CD300LD: variants seen among roughly 807,000 people sequenced by gnomAD.
CD300LD encodes CD300 molecule like family member d, also known as CMRF35-like molecule 5.
CD300LD carries 18 observed loss-of-function variants against 20.3 expected under a neutral mutation model. The observed-to-expected ratio is 0.89, with a 90% CI of 0.61 to 1.32. The LOEUF (loss-of-function observed/expected upper bound fraction) is 1.32, where lower values mean the gene tolerates loss of function less well. Ranked by LOEUF, CD300LD falls within the 40% of genes most tolerant of loss-of-function variation. CD300LD has a pLI of 0.00. For missense variants in CD300LD, 195 were observed against 226.6 expected (o/e 0.86, Z 0.90); for synonymous variants, 104 against 90.1 (o/e 1.15, Z -0.87).
chr17:74,588,887 C>A, intron 1 of CD300LD, 38 bp from the exon 2 acceptor site: 2 of 1,499,824 alleles, frequency 1.3e-6, no homozygotes, highest in Non-Finnish European at 1.8e-6. Flanking sequence ...ACCTCCCACC[C>A]CAAGGGCAGG....
At chr17:74,591,257 A>AT (rs2030306500) in intron 1 of CD300LD, among the ~76,000 whole-genome samples, 2 of 96,784 alleles carry the variant, frequency 2.1e-5, no homozygotes, top group African/African-American at 3.5e-5. Context: ...CTACAAAAAA[A>AT]AAAAAAATAA....
At chr17:74,583,863 T>C (rs1236995459) in intron 2 of CD300LD, among the ~76,000 whole-genome samples, 1 of 151,236 alleles carries the variant, frequency 6.6e-6, no homozygotes, top group Non-Finnish European at 1.5e-5. Flanking sequence ...AGCAATTCTC[T>C]GCCTCACCCT....
At chr17:74,582,424 G>T in intron 2 of CD300LD, 113 bp from the exon 3 acceptor site, 1 of 729,138 alleles carries the variant, frequency 1.4e-6, no homozygotes, top group Admixed American at 2.9e-5. Context: ...TGGGGTCCAA[G>T]ACTGTCTGGT....
At position 74,588,460 on chromosome 17, in the gene CD300LD, C is replaced by T. The variant is rs375291849; in HGVS notation, c.379+51G>A. 1.5e-5 allele frequency: 18 copies of T among 1,239,576 alleles called. No individual in the cohort carries two copies. The African/African-American group carries it at 2.7e-4, about 19-fold the overall frequency. 76.8% of individuals were successfully genotyped at this position (1,239,576 alleles called of 1,614,324 possible). On this transcript the variant is annotated intron_variant, in intron 2 of 3. Transcript: ENST00000375352. ...TTTACTCAAGTGGGACCTCAGGGACCAGGACAGAGCAGGACCTGAGAGACA... is the reference window on the plus strand; with the variant it reads ...TTTACTCAAGTGGGACCTCAGGGACTAGGACAGAGCAGGACCTGAGAGACA...
chr17:74,584,077 A>T (rs2030099021), intron 2 of CD300LD, among the ~76,000 whole-genome samples: 1 of 152,190 alleles, frequency 6.6e-6, no homozygotes, highest in South Asian at 2.1e-4. Flanking sequence ...TTTTAAAAAA[A>T]TCCACTCACT....
chr17:74,591,874 T>G (rs1342321898), intron 1 of CD300LD: 1 of 553,098 alleles, frequency 1.8e-6, no homozygotes, highest in Admixed American at 3.7e-5. Flanking sequence ...AGTTCCTTCC[T>G]TCATTGATAT....
intron 3 of CD300LD, among the ~76,000 whole-genome samples, chr17:74,580,846 G>T (rs1046923761): frequency 4.0e-5 from 6 of 150,430 alleles, no homozygotes; most frequent in African/African-American, 1.5e-4. Flanking sequence ...CAGGTGGATT[G>T]CTTGAGCCCA....
chr17:74,585,445 G>C (rs551567260), intron 2 of CD300LD, among the ~76,000 whole-genome samples: 89 of 152,238 alleles, frequency 5.8e-4, no homozygotes, highest in South Asian at 1.0e-3. Flanking sequence ...AAACTGGCCT[G>C]TGTCACCCCC....
At chr17:74,588,114 A>G (rs1598131552) in intron 2 of CD300LD, among the ~76,000 whole-genome samples, 1 of 152,000 alleles carries the variant, frequency 6.6e-6, no homozygotes, top group East Asian at 1.9e-4. Flanking sequence ...GATGGCAGGG[A>G]CTCTCTGCAG....
intron 1 of CD300LD, among the ~76,000 whole-genome samples, chr17:74,591,262 A>C (rs79385369): frequency 8.8e-6 from 1 of 114,118 alleles, no homozygotes; most frequent in Non-Finnish European, 1.7e-5. Flanking sequence ...AAAAAAAAAA[A>C]AATAAAAATA....
At chr17:74,591,968 GTGTT>G in intron 1 of CD300LD, 191 bp downstream of exon 1, 3 of 1,479,202 alleles carry the variant, frequency 2.0e-6, no homozygotes, top group Non-Finnish European at 2.7e-6. Context: ...TGTTTTGTGT[GTGTT>G]TGTTTCTGCA....
At chr17:74,589,902 G>A (rs2030264988) in intron 1 of CD300LD, among the ~76,000 whole-genome samples, 1 of 152,230 alleles carries the variant, frequency 6.6e-6, no homozygotes, top group Non-Finnish European at 1.5e-5. Context: ...AACGCCAAGA[G>A]ACACCCAAGG....
At chr17:74,581,380 G>A (rs1361680002) in intron 3 of CD300LD, among the ~76,000 whole-genome samples, 1 of 152,206 alleles carries the variant, frequency 6.6e-6, no homozygotes, top group Admixed American at 6.5e-5. Flanking sequence ...GAGCAGGACG[G>A]TCTGTGGTTT....
At chr17:74,589,881 G>A (rs2030264404) in intron 1 of CD300LD, among the ~76,000 whole-genome samples, 1 of 152,198 alleles carries the variant, frequency 6.6e-6, no homozygotes, top group Non-Finnish European at 1.5e-5. Flanking sequence ...CAGGAGAGAG[G>A]TTGTCTCTGA....
chr17:74,588,990 C>A, intron 1 of CD300LD, 141 bp from the exon 2 acceptor site: 1 of 614,630 alleles, frequency 1.6e-6, no homozygotes. Flanking sequence ...AAATCTTTGT[C>A]CTTCAAAATT....
chr17:74,585,961 G>A (rs779387532), intron 2 of CD300LD, among the ~76,000 whole-genome samples: 12 of 152,148 alleles, frequency 7.9e-5, no homozygotes, highest in Non-Finnish European at 1.3e-4. Flanking sequence ...GTGTGCCTTG[G>A]CTGCTAAACA....
chr17:74,588,196 C>T (rs2030213333), intron 2 of CD300LD, among the ~76,000 whole-genome samples: 1 of 152,138 alleles, frequency 6.6e-6, no homozygotes, highest in African/African-American at 2.4e-5. Flanking sequence ...TCTGCCTTTT[C>T]TTATAAAGCA....
chr17:74,592,097 C>T (rs780109704), intron 1 of CD300LD, 66 bp downstream of exon 1: 2 of 1,613,926 alleles, frequency 1.2e-6, no homozygotes, highest in Non-Finnish European at 1.7e-6. Flanking sequence ...TTCCTGAGAA[C>T]AGAGCGTCTC....
At chr17:74,578,915 G>C (rs1426800127), downstream of CD300LD, among the ~76,000 whole-genome samples, 1 of 152,176 alleles carries the variant, frequency 6.6e-6, no homozygotes, top group Non-Finnish European at 1.5e-5. Context: ...CCAGCTCACA[G>C]TTCTAGCTCT....
Sources: allele counts gnomAD v4.1 joint callset (sites outside exome capture counted in the v4.1 genomes callset), GRCh38; gene constraint gnomAD v4.1.1; transcripts MANE v1.5; gene names NCBI Gene and HGNC (gene_info 2026-07-23, HGNC 2026-07-21).